The following PTPRD variants were observed in gnomAD, a reference collection of about 807,000 sequenced individuals.
PTPRD encodes the protein receptor-type tyrosine-protein phosphatase delta.
Under a neutral mutation model 214.5 loss-of-function variants are expected in PTPRD, and 34 were observed. The observed-to-expected ratio is 0.16, with a 90% CI of 0.12 to 0.21. The LOEUF (loss-of-function observed/expected upper bound fraction) is 0.21, where lower values mean the gene tolerates loss of function less well. Ranked by LOEUF, PTPRD falls within the 10% of genes least tolerant of loss-of-function variation. The probability of loss-of-function intolerance (pLI) is 1.00; values close to 1 mark genes in which losing one functional copy is unlikely to be tolerated. For missense variants in PTPRD, 2,545 were observed against 2,398.7 expected (o/e 1.06, Z -1.27); for synonymous variants, 1,128 against 845.7 (o/e 1.33, Z -5.79).
chr9:8,350,099 TTGAG>T (rs1319391332), intron 39 of PTPRD, among the ~76,000 whole-genome samples: 4 of 152,144 alleles, frequency 2.6e-5, no homozygotes, highest in African/African-American at 9.6e-5. Context: ...AAAAACATGA[TTGAG>T]TTAGTCCCAC....
At chr9:9,085,559 T>A (rs181662342) in intron 10 of PTPRD, among the ~76,000 whole-genome samples, 1 of 152,178 alleles carries the variant, frequency 6.6e-6, no homozygotes, top group East Asian at 1.9e-4. Flanking sequence ...TTTTTCCCTC[T>A]TATAAATAGA....
chr9:10,067,015 CT>C (rs2082716378), intron 3 of PTPRD, among the ~76,000 whole-genome samples: 2 of 151,666 alleles, frequency 1.3e-5, no homozygotes, highest in East Asian at 3.9e-4. Flanking sequence ...GAGTGCATTC[CT>C]CTCCAAACAG....
rs1422553508 is a variant in PTPRD at position 9,287,914 on chromosome 9, A to G, written c.-202-104551T>C. Among the ~76,000 whole-genome samples, 3 of 151,822 alleles carry G rather than the reference A, an allele frequency of 2.0e-5. No individual in the cohort carries two copies. In the East Asian group the frequency reaches 5.9e-4, roughly 30 times the overall value. On this transcript the variant is annotated intron_variant, in intron 9 of 45. Coordinates refer to ENST00000381196, the MANE Select transcript of PTPRD (RefSeq NM_002839.4). ...TTTATTAGTTCTCAGATGCCTTTGA[A>G]AGCATGACTTTTTTTTTTTCAATTT...
intron 35 of PTPRD, among the ~76,000 whole-genome samples, chr9:8,433,813 A>C (rs1380131297): frequency 6.6e-6 from 1 of 152,210 alleles, no homozygotes; most frequent in African/African-American, 2.4e-5. Flanking sequence ...TAAACTTTTA[A>C]AATAAATTTG....
chr9:9,466,666 C>A (rs1204049842), intron 8 of PTPRD, among the ~76,000 whole-genome samples: 2 of 152,154 alleles, frequency 1.3e-5, no homozygotes, highest in East Asian at 3.9e-4. Flanking sequence ...GGATAGACAA[C>A]TTATTTGATA....
intron 9 of PTPRD, among the ~76,000 whole-genome samples, chr9:9,211,948 T>C (rs1269089328): frequency 1.3e-5 from 2 of 152,186 alleles, no homozygotes; most frequent in Non-Finnish European, 2.9e-5. Context: ...GCACTCTTTT[T>C]AGTGATCTAT....
At chr9:9,720,733 G>C (rs911823692) in intron 7 of PTPRD, among the ~76,000 whole-genome samples, 1 of 151,988 alleles carries the variant, frequency 6.6e-6, no homozygotes, top group African/African-American at 2.4e-5. Flanking sequence ...CAAAGATATG[G>C]AATCAACCTA....
intron 4 of PTPRD, among the ~76,000 whole-genome samples, chr9:9,976,812 G>A (rs149233759): frequency 4.6e-4 from 70 of 151,004 alleles, no homozygotes; most frequent in African/African-American, 1.6e-3. Flanking sequence ...TTCTTAGACA[G>A]TTCACTCCTG....
chr9:8,703,555 C>A (rs2098135398), intron 12 of PTPRD, among the ~76,000 whole-genome samples: 2 of 152,300 alleles, frequency 1.3e-5, no homozygotes, highest in East Asian at 1.9e-4. Context: ...AGGACACAAC[C>A]TTCCCTGGAT....
At chr9:9,357,392 T>G (rs1286680102) in intron 9 of PTPRD, among the ~76,000 whole-genome samples, 2 of 151,380 alleles carry the variant, frequency 1.3e-5, no homozygotes, top group Non-Finnish European at 3.0e-5. Context: ...CCTAAAGGTT[T>G]GTGGACTTCT....
intron 2 of PTPRD, among the ~76,000 whole-genome samples, chr9:10,464,331 G>A (rs565829441): frequency 3.3e-5 from 5 of 152,126 alleles, no homozygotes; most frequent in African/African-American, 9.6e-5. Flanking sequence ...AGTGTGCCGA[G>A]GTCATGTCAC....
intron 44 of PTPRD, among the ~76,000 whole-genome samples, chr9:8,330,325 C>CTTGTAAGTACATTG (rs1046539531): frequency 6.6e-6 from 1 of 152,040 alleles, no homozygotes; most frequent in Non-Finnish European, 1.5e-5. Context: ...CTTTCCAGCT[C>CTTGTAAGTACATTG]TTGTAAGTAC....
At chr9:9,836,311 T>C (rs1042522425) in intron 5 of PTPRD, among the ~76,000 whole-genome samples, 6 of 152,144 alleles carry the variant, frequency 3.9e-5, no homozygotes, top group Non-Finnish European at 8.8e-5. Context: ...TAATATCATG[T>C]AGACAATATC....
intron 2 of PTPRD, among the ~76,000 whole-genome samples, chr9:10,536,657 T>A (rs1264687167): frequency 2.0e-5 from 3 of 152,130 alleles, no homozygotes; most frequent in Non-Finnish European, 4.4e-5. Flanking sequence ...CACTCCACGC[T>A]GATAAGCACT....
chr9:8,493,579 T>C (rs1387053746), intron 26 of PTPRD, among the ~76,000 whole-genome samples: 1 of 152,194 alleles, frequency 6.6e-6, no homozygotes, highest in Admixed American at 6.5e-5. Context: ...CTTAGGACTC[T>C]CTTATTAATG....
chr9:8,894,061 T>C (rs1313495206), intron 11 of PTPRD, among the ~76,000 whole-genome samples: 1 of 151,922 alleles, frequency 6.6e-6, no homozygotes, highest in East Asian at 1.9e-4. Flanking sequence ...GCAATAAGAA[T>C]AACCAATCTA....
rs370303244 is a variant in PTPRD, at chr9:9,725,345, TAA to T, written c.-287+9186_-287+9187del. Among the ~76,000 whole-genome samples the T allele has an allele frequency of 4.6e-3, 692 of 151,718 alleles. 6 individuals are homozygous for T. The highest frequency in any genetic ancestry group is 0.016 in the African/African-American group (670 of 41,344). ...TTTTTTTTGCCTGCTGCCATCCATGTAAAAGACATAACTCACTCCTCCTTGCC... is the reference window on the plus strand; with the variant it reads ...TTTTTTTTGCCTGCTGCCATCCATGTAAGACATAACTCACTCCTCCTTGCC... On this transcript the variant is annotated intron_variant, in intron 7 of 45. Transcript: ENST00000381196.
intron 12 of PTPRD, among the ~76,000 whole-genome samples, chr9:8,661,297 G>C (rs1565081277): frequency 6.6e-6 from 1 of 152,102 alleles, no homozygotes; most frequent in East Asian, 1.9e-4. Context: ...TTCAGCCCAG[G>C]AATATGATTC....
At chr9:9,968,649 G>C (rs1746981412) in intron 4 of PTPRD, among the ~76,000 whole-genome samples, 2 of 152,058 alleles carry the variant, frequency 1.3e-5, no homozygotes, top group Non-Finnish European at 1.5e-5. Flanking sequence ...CAAGTTGTCA[G>C]TTCCTTTCTT....
Sources: allele counts gnomAD v4.1 joint callset (sites outside exome capture counted in the v4.1 genomes callset), GRCh38; gene constraint gnomAD v4.1.1; transcripts MANE v1.5; gene names NCBI Gene and HGNC (gene_info 2026-07-23, HGNC 2026-07-21).